TENM3: variants seen among roughly 807,000 people sequenced by gnomAD.
TENM3 encodes teneurin transmembrane protein 3.
Under a neutral mutation model 255.1 loss-of-function variants are expected in TENM3, and 63 were observed. That is an observed-to-expected ratio of 0.25 (90% confidence interval 0.20 to 0.30). The LOEUF is 0.30. TENM3 is among the 10% of genes least tolerant of loss of function. The pLI, the probability that TENM3 is intolerant of heterozygous loss-of-function variation, is 1.00. For synonymous variants in TENM3, 1,306 were observed against 1,322.3 expected, an observed-to-expected ratio of 0.99 and a Z score of 0.27; for missense variants, 2,929 against 3,461.1, an observed-to-expected ratio of 0.85 and a Z score of 3.86.
At chr4:182,213,951 G>A (rs562397049) in intron 1 of TENM3, among the ~76,000 whole-genome samples, 24 of 152,054 alleles carry the variant, frequency 1.6e-4, no homozygotes, top group East Asian at 1.4e-3. Context: ...ACAGGCGCCC[G>A]CCACCACGCC....
intron 7 of TENM3, among the ~76,000 whole-genome samples, chr4:182,677,266 C>G (rs1755743514): frequency 6.6e-6 from 1 of 152,152 alleles, no homozygotes; most frequent in African/African-American, 2.4e-5. Context: ...AGCTCCTCCT[C>G]CCCACCATCA....
At chr4:181,621,527 T>C in the TENM3 span, among the ~76,000 whole-genome samples, 2 of 152,194 alleles carry the variant, frequency 1.3e-5, no homozygotes, top group African/African-American at 4.8e-5. Flanking sequence ...ATCTCTGCCA[T>C]CGTAAGCAGT....
chr4:182,755,056 C>G lies in TENM3; in HGVS notation c.4689C>G (p.Thr1563=). The G allele has an allele frequency of 6.2e-7, 1 of 1,613,952 alleles. No homozygotes were observed. The highest frequency in any genetic ancestry group is 8.5e-7 in the Non-Finnish European group (1 of 1,179,886). ...CTGTGACAGACAGCAATGGCAACAC[C>G]CTTAGAATTAGACGGGACCCAAATC... The part of the protein sequence containing the change: ...ITAVTDSNGN[T]LRIRRDPNRM... Residue 1563 remains threonine (T), a synonymous_variant, in exon 22 of 28, where the codon ACC becomes ACG. Coordinates refer to ENST00000511685, the MANE Select transcript of TENM3 (RefSeq NM_001080477.4).
intron 3 of TENM3, among the ~76,000 whole-genome samples, chr4:182,380,454 C>T (rs987537816): frequency 2.0e-5 from 3 of 152,202 alleles, no homozygotes; most frequent in Non-Finnish European, 4.4e-5. Context: ...TAACTTCCAG[C>T]AGCTAGTGCA....
chr4:181,593,460 G>A, the TENM3 span, among the ~76,000 whole-genome samples: 19 of 152,140 alleles, frequency 1.2e-4, no homozygotes, highest in Admixed American at 5.2e-4. Flanking sequence ...AAGAGCTGCC[G>A]GTCTAAGGCA....
chr4:182,553,097 C>CT (rs1411573641), intron 3 of TENM3, among the ~76,000 whole-genome samples: 3 of 151,958 alleles, frequency 2.0e-5, no homozygotes, highest in East Asian at 1.9e-4. Flanking sequence ...TTTTGTTCTA[C>CT]TTTTTTAGAC....
intron 1 of TENM3, among the ~76,000 whole-genome samples, chr4:182,160,026 G>C (rs1230989941): frequency 1.4e-5 from 2 of 138,060 alleles, no homozygotes; most frequent in Admixed American, 1.4e-4. Flanking sequence ...TTTTTGAGAC[G>C]GAGTCTCGCT....
the TENM3 span, among the ~76,000 whole-genome samples, chr4:181,589,383 A>T: frequency 1.3e-5 from 2 of 152,182 alleles, no homozygotes; most frequent in Non-Finnish European, 2.9e-5. Flanking sequence ...TATGTTTAAT[A>T]TTATTGCTCA....
At chr4:182,115,878 C>T in the TENM3 span, among the ~76,000 whole-genome samples, 3 of 149,018 alleles carry the variant, frequency 2.0e-5, no homozygotes, top group Non-Finnish European at 3.0e-5. Flanking sequence ...TCACCAGTTA[C>T]GTTTTTTAAA....
chr4:182,454,355 A>G (rs1416715385), intron 3 of TENM3, among the ~76,000 whole-genome samples: 11 of 152,286 alleles, frequency 7.2e-5, no homozygotes, highest in African/African-American at 1.9e-4. Flanking sequence ...AGTTTCTTTC[A>G]TAAGTGTGTT....
chr4:182,222,869 A>G (rs76931675), intron 1 of TENM3, among the ~76,000 whole-genome samples: 9,656 of 152,264 alleles, frequency 0.063, 421 homozygotes, highest in Non-Finnish European at 0.092. Flanking sequence ...GTCACAGTTA[A>G]GGGGCCTTCT....
the TENM3 span, among the ~76,000 whole-genome samples, chr4:181,562,855 A>T: frequency 2.0e-5 from 3 of 152,024 alleles, no homozygotes; most frequent in African/African-American, 7.2e-5. Flanking sequence ...TGGTATTTTT[A>T]GTATAGGCGG....
the TENM3 span, among the ~76,000 whole-genome samples, chr4:181,516,986 A>C: frequency 1.3e-5 from 2 of 152,138 alleles, no homozygotes; most frequent in Non-Finnish European, 2.9e-5. Flanking sequence ...GAGGTTCTAC[A>C]CTCAAACACT....
At chr4:181,586,256 C>T in the TENM3 span, among the ~76,000 whole-genome samples, 3 of 152,194 alleles carry the variant, frequency 2.0e-5, no homozygotes, top group Non-Finnish European at 2.9e-5. Flanking sequence ...CTAATGATCA[C>T]GAAATATAGT....
intron 3 of TENM3, among the ~76,000 whole-genome samples, chr4:182,524,478 C>A (rs1738935589): frequency 6.7e-6 from 1 of 149,570 alleles, no homozygotes; most frequent in African/African-American, 2.5e-5. Context: ...CTTTCTCAAG[C>A]CTCTCAAGCA....
At chr4:182,237,260 A>G (rs924420204) in intron 1 of TENM3, among the ~76,000 whole-genome samples, 7 of 152,100 alleles carry the variant, frequency 4.6e-5, no homozygotes, top group African/African-American at 1.7e-4. Context: ...ATTGATGGGC[A>G]TTTAGGTTGA....
the TENM3 span, among the ~76,000 whole-genome samples, chr4:181,621,607 C>T: frequency 6.6e-6 from 1 of 152,148 alleles, no homozygotes; most frequent in South Asian, 2.1e-4. Context: ...CAATTTCTGT[C>T]CAGGGTCTCA....
the TENM3 span, among the ~76,000 whole-genome samples, chr4:181,854,952 C>T: frequency 3.9e-5 from 6 of 151,918 alleles, no homozygotes; most frequent in African/African-American, 9.7e-5. Context: ...TTTTTAAGGC[C>T]GTGTTTTCTA....
At chr4:181,605,556 A>AAGAGAGAG in the TENM3 span, among the ~76,000 whole-genome samples, 10 of 30,526 alleles carry the variant, frequency 3.3e-4, no homozygotes, top group South Asian at 3.4e-3. Context: ...GAAAGAAAGA[A>AAGAGAGAG]AGAAAGAAAG....
Sources: gnomAD v4.1 joint callset for allele counts (sites outside exome capture counted in the v4.1 genomes callset) on GRCh38, gnomAD v4.1.1 for gene constraint, MANE v1.5 for transcripts, NCBI Gene and HGNC (gene_info 2026-07-23, HGNC 2026-07-21) for gene names.